GLRX3: variants seen among roughly 807,000 people sequenced by gnomAD.
The protein encoded by GLRX3 is glutaredoxin-3.
A neutral mutation model predicts 49.5 loss-of-function variants in GLRX3; 22 were observed. The ratio of observed to expected loss-of-function variants is 0.44; its 90% CI spans 0.32 to 0.63. GLRX3 has a LOEUF of 0.63. GLRX3 is among the 30% of genes least tolerant of loss of function. The pLI, the probability that GLRX3 is intolerant of heterozygous loss-of-function variation, is 0.05. For synonymous variants in GLRX3, 133 were observed against 140.0 expected (o/e 0.95, Z 0.35); for missense variants, 385 against 396.3 (o/e 0.97, Z 0.24).
At chr10:130,163,191 G>A (rs1055419906) in intron 4 of GLRX3, among the ~76,000 whole-genome samples, 1 of 152,314 alleles carries the variant, frequency 6.6e-6, no homozygotes, top group East Asian at 1.9e-4. Context: ...TTGGGAGGCT[G>A]AGGTGGGCGG....
chr10:130,171,958 C>T (rs1472557791), intron 8 of GLRX3, among the ~76,000 whole-genome samples: 2 of 152,014 alleles, frequency 1.3e-5, no homozygotes, highest in Non-Finnish European at 2.9e-5. Flanking sequence ...GAGCAAGACC[C>T]TGTCTCAAAA....
At chr10:130,161,487 C>A (rs1315356005) in intron 4 of GLRX3, among the ~76,000 whole-genome samples, 1 of 152,276 alleles carries the variant, frequency 6.6e-6, no homozygotes, top group South Asian at 2.1e-4. Context: ...CTTTTGCCTC[C>A]CCTGTGTCAT....
chr10:130,152,385 G>C (rs982187068), intron 2 of GLRX3, among the ~76,000 whole-genome samples: 1 of 152,162 alleles, frequency 6.6e-6, no homozygotes, highest in African/African-American at 2.4e-5. Flanking sequence ...CGTTAATGCA[G>C]TTTCTTCATA....
At chr10:130,169,335 C>T (rs959622409) in intron 6 of GLRX3, 98 bp from the exon 7 acceptor site, 22 of 760,872 alleles carry the variant, frequency 2.9e-5, no homozygotes, top group Admixed American at 1.1e-4. Context: ...GAACTGTCAT[C>T]CTGCCATCCC....
chr10:130,152,550 C>T (rs894607196), intron 2 of GLRX3, among the ~76,000 whole-genome samples: 4 of 152,122 alleles, frequency 2.6e-5, no homozygotes, highest in Non-Finnish European at 4.4e-5. Context: ...GATTTTATTT[C>T]TCCTTCACTT....
At chr10:130,154,947 G>A (rs563453968) in intron 2 of GLRX3, among the ~76,000 whole-genome samples, 3 of 152,246 alleles carry the variant, frequency 2.0e-5, no homozygotes, top group Admixed American at 6.5e-5. Flanking sequence ...GATTGGGCTG[G>A]AAGGGTGTAT....
chr10:130,166,877 T>C (rs1349310299), intron 5 of GLRX3, 42 bp from the exon 6 acceptor site: 8 of 1,250,854 alleles, frequency 6.4e-6, no homozygotes, highest in South Asian at 6.4e-5. Flanking sequence ...ATTTATGTTA[T>C]AATAATTTTT....
intron 1 of GLRX3, among the ~76,000 whole-genome samples, chr10:130,143,739 C>CG (rs1345886308): frequency 6.6e-6 from 1 of 151,286 alleles, no homozygotes; most frequent in African/African-American, 2.4e-5. Flanking sequence ...GCTCTGCCAT[C>CG]CAGGCTGCAG....
intron 1 of GLRX3, among the ~76,000 whole-genome samples, chr10:130,142,175 CT>C (rs1319319443): frequency 6.6e-6 from 1 of 152,124 alleles, no homozygotes; most frequent in East Asian, 1.9e-4. Context: ...GAGCTTCCTG[CT>C]TTCCTTGTGT....
intron 2 of GLRX3, among the ~76,000 whole-genome samples, chr10:130,150,481 T>C (rs948402149): frequency 6.6e-6 from 1 of 152,192 alleles, no homozygotes; most frequent in African/African-American, 2.4e-5. Flanking sequence ...ACATTAATTT[T>C]GTTTATATAG....
chr10:130,171,950 G>A (rs900892271), intron 8 of GLRX3, among the ~76,000 whole-genome samples: 2 of 152,122 alleles, frequency 1.3e-5, no homozygotes, highest in African/African-American at 2.4e-5. Context: ...GGGTGACAGA[G>A]CAAGACCCTG....
intron 2 of GLRX3, among the ~76,000 whole-genome samples, chr10:130,158,650 G>A (rs1474793544): frequency 6.6e-6 from 1 of 152,150 alleles, no homozygotes; most frequent in Non-Finnish European, 1.5e-5. Flanking sequence ...GCATGCCCTA[G>A]TCATTAACTT....
In GLRX3 at chr10:130,140,035, A is replaced by T. The variant is rs74162557; in HGVS notation, c.92+3523A>T. Among the ~76,000 whole-genome samples the T allele has an allele frequency of 1.8e-4, 28 of 152,096 alleles. 1 individual carries two copies. Among genetic ancestry groups the T allele is most frequent in the Admixed American group, 1.4e-3 (21 of 15,274 alleles). On this transcript the variant is annotated intron_variant, in intron 1 of 10. Transcript: ENST00000331244. ...ATTTTAAAATTTGACATGAATTGAA[A>T]TTTTTTTCTTTTAAGTAGTTGAATC...
intron 8 of GLRX3, among the ~76,000 whole-genome samples, chr10:130,174,056 C>G (rs1026412811): frequency 6.6e-6 from 1 of 152,228 alleles, no homozygotes; most frequent in African/African-American, 2.4e-5. Flanking sequence ...ACGGTGAAAT[C>G]GCTCTGAGTG....
Position 130,171,637 on chromosome 10 carries a change from G to C in GLRX3, c.824+1G>C, listed in dbSNP as rs1264390556. ...TTCTGGAAATACTAAATAGTACTGG[G>C]TATGTAAATGTTGTTTTCAAATGGT... On this transcript the variant is annotated splice_donor_variant, in intron 8 of 10. Transcript: ENST00000331244. LOFTEE classifies it high-confidence loss of function. The C allele has an allele frequency of 1.4e-6, 2 of 1,453,386 alleles. No homozygotes were observed. Among genetic ancestry groups the C allele is most frequent in the Non-Finnish European group, 1.9e-6 (2 of 1,033,990 alleles). The allele number at this position is 1,453,386 out of a possible 1,614,324, so 90.0% of individuals were successfully genotyped here. A position where few individuals can be genotyped will look rare whatever the true frequency, so the allele number is the denominator to read the frequency against.
At position 130,136,434 on chromosome 10, in the gene GLRX3, C is replaced by A. The variant is rs1362449272; in HGVS notation, c.14C>A (p.Ala5Glu). The stretch of plus-strand genomic sequence containing the variant: ...GGCGGCGGCAGCATGGCGGCGGGGG[C>A]GGCTGAGGCAGCTGTAGCGGCCGTG... MAAG[A>E]AEAAVAAVEE... The change falls in exon 1 of 11, where the codon GCG becomes GAG. Residue 5 changes from alanine to glutamate, a missense_variant. Physicochemically the swap from Ala to Glu is moderately radical, Grantham distance 107. Around this residue, in one of 2 missense-constraint regions of GLRX3, gnomAD observed 374 missense variants for 358.6 expected, o/e 1.04. Transcript: ENST00000331244. 1 of 1,255,564 alleles carries A rather than the reference C, an allele frequency of 8.0e-7. No individual in the cohort carries two copies. Among genetic ancestry groups the A allele is most frequent in the Non-Finnish European group, 1.0e-6 (1 of 993,868 alleles). The allele number at this position is 1,255,564 out of a possible 1,614,324, so 77.8% of individuals were successfully genotyped here. A position where few individuals can be genotyped will look rare whatever the true frequency, so the allele number is the denominator to read the frequency against.
rs1250116464 is a variant in GLRX3 at position 130,145,259 on chromosome 10, A to G, written c.141A>G (p.Ala47=). 7 of 1,583,568 alleles carry G rather than the reference A, an allele frequency of 4.4e-6. No homozygotes were observed. Among genetic ancestry groups the G allele is most frequent in the African/African-American group, 1.3e-5 (1 of 74,388 alleles). ...HFWAPWAPQC[A]QMNEVMAELA... is the part of the protein sequence containing the mutation. ...GGGCACCATGGGCTCCACAGTGTGC[A>G]CAGATGAACGAAGTTATGGCAGAGT... Residue 47 remains alanine (A), a synonymous_variant, in exon 2 of 11, where the codon GCA becomes GCG. Coordinates refer to ENST00000331244, the MANE Select transcript of GLRX3 (RefSeq NM_006541.5).
chr10:130,137,109 G>C (rs1476229190), intron 1 of GLRX3, among the ~76,000 whole-genome samples: 1 of 152,248 alleles, frequency 6.6e-6, no homozygotes, highest in Non-Finnish European at 1.5e-5. Context: ...TTTAAAGTTT[G>C]TTGGACAGCA....
intron 10 of GLRX3, among the ~76,000 whole-genome samples, chr10:130,175,898 G>C (rs1317269584): frequency 6.6e-6 from 1 of 152,154 alleles, no homozygotes; most frequent in Non-Finnish European, 1.5e-5. Flanking sequence ...AGCTGGTTGG[G>C]TATAGAGAGG....
Sources: allele counts gnomAD v4.1 joint callset (sites outside exome capture counted in the v4.1 genomes callset), GRCh38; gene constraint gnomAD v4.1.1; regional missense constraint gnomAD v4.1.1; transcripts MANE v1.5; gene names NCBI Gene and HGNC (gene_info 2026-07-23, HGNC 2026-07-21).